Variants in DEFB112 observed in about 807,000 individuals in gnomAD.
The protein encoded by DEFB112 is defensin beta 112.
DEFB112 carries 2 observed loss-of-function variants against 1.1 expected under a neutral mutation model. The ratio of observed to expected loss-of-function variants is 1.85; its 90% CI spans 0.76 to 5.83. The LOEUF (loss-of-function observed/expected upper bound fraction) is 5.83, where lower values mean the gene tolerates loss of function less well. DEFB112 is among the 30% of genes most tolerant of loss of function. The pLI, the probability that DEFB112 is intolerant of heterozygous loss-of-function variation, is 0.05. For missense variants in DEFB112, 120 were observed against 94.4 expected (o/e 1.27, Z -1.12); for synonymous variants, 40 against 31.2 (o/e 1.28, Z -0.93).
chr6:50,043,738 C>T lies in DEFB112; in HGVS notation c.122G>A (p.Arg41Gln), dbSNP rs760015661. The change falls in exon 2 of 2, where the codon CGA becomes CAA. Residue 41 changes from arginine to glutamine, a missense_variant. Physicochemically the swap from Arg to Gln is conservative, Grantham distance 43. Coordinates refer to ENST00000651554, the MANE Select transcript of DEFB112 (RefSeq NM_001369057.2). ...RWKSCTAIGG[R>Q]CKNQCDDSEF... The stretch of plus-strand genomic sequence containing the variant: ...ACTATCATCACATTGATTTTTACAT[C>T]GACCTCCAATCGCTGTACATGACTT... The T allele has an allele frequency of 6.2e-6, 10 of 1,613,302 alleles. No individual in the cohort carries two copies. The highest frequency in any genetic ancestry group is 5.3e-5 in the African/African-American group (4 of 74,874).
intron 1 of DEFB112, among the ~76,000 whole-genome samples, 21 bp downstream of exon 1, chr6:50,049,791 T>G (rs1774895993): frequency 6.6e-6 from 1 of 151,998 alleles, no homozygotes. Context: ...TTGACCCCTC[T>G]AGCAATAATA....
At position 50,042,189 on chromosome 6, in the gene DEFB112, TG is replaced by T. The variant is rs1181307255; in HGVS notation, c.*1385del. 1.3e-5 allele frequency among the ~76,000 whole-genome samples: 2 copies of T among 151,938 alleles called. No individual in the cohort carries two copies. The highest frequency in any genetic ancestry group is 2.9e-5 in the Non-Finnish European group (2 of 67,926). On this transcript the variant is annotated 3_prime_UTR_variant, in exon 2 of 2. Transcript: ENST00000651554. ...TAGGTATACTGTGAGACCCCTGAAG[TG>T]GGGTTCAGAGTTTGGATCATAAACC...
chr6:50,046,920 G>A (rs1005595640), intron 1 of DEFB112, among the ~76,000 whole-genome samples: 1 of 152,172 alleles, frequency 6.6e-6, no homozygotes, highest in African/African-American at 2.4e-5. Context: ...CAGGTACTGA[G>A]TGAACCTGGA....
rs1359265241 is a variant in DEFB112 at position 50,042,564 on chromosome 6, G to A, written c.*1011C>T. 6.6e-6 allele frequency among the ~76,000 whole-genome samples: 1 copy of A among 151,950 alleles called. No homozygotes were observed. The highest frequency in any genetic ancestry group is 2.4e-5 in the African/African-American group (1 of 41,398). ...CTGCCAGCCAAGGACAAAGCCTAGA[G>A]GACATTCTTTAAGTAATACTTAGCA... On this transcript the variant is annotated 3_prime_UTR_variant, in exon 2 of 2. Coordinates refer to ENST00000651554, the MANE Select transcript of DEFB112 (RefSeq NM_001369057.2).
chr6:50,045,892 C>T (rs1328229275), intron 1 of DEFB112, among the ~76,000 whole-genome samples: 1 of 152,086 alleles, frequency 6.6e-6, no homozygotes, highest in East Asian at 1.9e-4. Context: ...TAATTTGACT[C>T]AATTTTTCAT....
intron 1 of DEFB112, among the ~76,000 whole-genome samples, chr6:50,044,468 T>A (rs1472781426): frequency 6.6e-6 from 1 of 152,072 alleles, no homozygotes; most frequent in East Asian, 1.9e-4. Flanking sequence ...TATAGAAAAT[T>A]TTTAAAAATG....
At chr6:50,046,655 C>G (rs1774841355) in intron 1 of DEFB112, among the ~76,000 whole-genome samples, 2 of 151,490 alleles carry the variant, frequency 1.3e-5, no homozygotes, top group African/African-American at 2.4e-5. Flanking sequence ...TGCTGAATTA[C>G]CTAGCATTTT....
chr6:50,049,571 A>T (rs1230625415), intron 1 of DEFB112, among the ~76,000 whole-genome samples: 1 of 152,096 alleles, frequency 6.6e-6, no homozygotes, highest in Non-Finnish European at 1.5e-5. Context: ...CTAATCATTT[A>T]CATATATGCA....
rs571695942 is a variant in DEFB112, at chr6:50,045,657, C to T, written c.59-1856G>A. 2.6e-5 allele frequency among the ~76,000 whole-genome samples: 4 copies of T among 152,130 alleles called. No homozygotes were observed. In the South Asian group the frequency reaches 6.2e-4, roughly 24 times the overall value. ...GCCATTAGGTGATTCTGTCCTTGTGCGAACACCATAAACTGTACTTACACA... is the reference window on the plus strand; with the variant it reads ...GCCATTAGGTGATTCTGTCCTTGTGTGAACACCATAAACTGTACTTACACA... On this transcript the variant is annotated intron_variant, in intron 1 of 1. Coordinates refer to ENST00000651554, the MANE Select transcript of DEFB112 (RefSeq NM_001369057.2).
At chr6:50,043,868 C>T in intron 1 of DEFB112, 67 bp from the exon 2 acceptor site, 3 of 1,333,424 alleles carry the variant, frequency 2.2e-6, no homozygotes, top group South Asian at 2.4e-5. Flanking sequence ...TAAAAGAAGA[C>T]ATGGGAGTAA....
intron 1 of DEFB112, chr6:50,048,729 G>T (rs2113960196): frequency 9.9e-7 from 1 of 1,014,786 alleles, no homozygotes; most frequent in Non-Finnish European, 1.5e-6. Flanking sequence ...AATATTTTCA[G>T]AAATAAGGAC....
Position 50,043,471 on chromosome 6 carries a change from T to C in DEFB112, c.*104A>G. On this transcript the variant is annotated 3_prime_UTR_variant, in exon 2 of 2. Coordinates refer to ENST00000651554, the MANE Select transcript of DEFB112 (RefSeq NM_001369057.2). Reference sequence around the variant, plus strand: ...GAAATATATTTTATTTAATTATTTATTCATTATAGGTATGCATGCATGGAA... The same window carrying C: ...GAAATATATTTTATTTAATTATTTACTCATTATAGGTATGCATGCATGGAA... The C allele has an allele frequency of 1.4e-6, 1 of 692,544 alleles. No individual in the cohort carries two copies. Among genetic ancestry groups the C allele is most frequent in the Non-Finnish European group, 2.4e-6 (1 of 416,740 alleles). The allele number at this position is 692,544 out of a possible 1,614,324, so 42.9% of individuals were successfully genotyped here.
At position 50,042,501 on chromosome 6, in the gene DEFB112, C is replaced by T. The variant is rs971134052; in HGVS notation, c.*1074G>A. ...GACTAGCTCCCTTTTCTTCATGTGG[C>T]CTTAGTCCACAGGTTGTAAGTCACA... On this transcript the variant is annotated 3_prime_UTR_variant, in exon 2 of 2. Coordinates refer to ENST00000651554, the MANE Select transcript of DEFB112 (RefSeq NM_001369057.2). Among the ~76,000 whole-genome samples the T allele has an allele frequency of 2.6e-5, 4 of 151,996 alleles. No individual in the cohort carries two copies. The highest frequency in any genetic ancestry group is 4.1e-4 in the South Asian group (2 of 4,834).
At chr6:50,044,547 T>G (rs777615993) in intron 1 of DEFB112, among the ~76,000 whole-genome samples, 1 of 152,132 alleles carries the variant, frequency 6.6e-6, no homozygotes, top group Non-Finnish European at 1.5e-5. Context: ...GAATGATGTA[T>G]GTACCTAGAT....
Position 50,049,875 on chromosome 6 carries a change from A to G in DEFB112, c.-6T>C. 6.6e-6 allele frequency among the ~76,000 whole-genome samples: 1 copy of G among 152,126 alleles called. No individual in the cohort carries two copies. The highest frequency in any genetic ancestry group is 1.9e-4 in the East Asian group (1 of 5,202). Reference sequence around the variant, plus strand: ...AAAAAGAGAAGGATCTTCATTGTAAATGATTTCTTGGTATAAAACAGTGTA... The same window carrying G: ...AAAAAGAGAAGGATCTTCATTGTAAGTGATTTCTTGGTATAAAACAGTGTA... On this transcript the variant is annotated 5_prime_UTR_variant, in exon 1 of 2. Coordinates refer to ENST00000651554, the MANE Select transcript of DEFB112 (RefSeq NM_001369057.2).
Position 50,043,701 on chromosome 6 carries a change from A to G in DEFB112, c.159T>C (p.Ile53=), listed in dbSNP as rs533783610. The change falls in exon 2 of 2, where the codon ATT becomes ATC. Residue 53 remains isoleucine, a synonymous_variant. Transcript: ENST00000651554. ...GAGTTGTAGGTCTTGCACAGTATGA[A>G]ATCCTAAATTCACTATCATCACATT... The part of the protein sequence containing the change: ...KNQCDDSEFR[I]SYCARPTTHC... 2 of 1,613,530 alleles carry G rather than the reference A, an allele frequency of 1.2e-6. No individual in the cohort carries two copies. The highest frequency in any genetic ancestry group is 3.3e-5 in the Admixed American group (2 of 59,982).
chr6:50,048,072 G>A (rs767914512), intron 1 of DEFB112, among the ~76,000 whole-genome samples: 11 of 151,784 alleles, frequency 7.2e-5, no homozygotes, highest in East Asian at 1.9e-4. Context: ...GCTTGAACCC[G>A]GGAGACGGTG....
intron 1 of DEFB112, among the ~76,000 whole-genome samples, chr6:50,049,375 T>C (rs1035561506): frequency 2.0e-5 from 3 of 152,098 alleles, no homozygotes; most frequent in Non-Finnish European, 4.4e-5. Context: ...CTGAAACTTT[T>C]AGCAAGACAT....
At chr6:50,045,964 A>G (rs1015582224) in intron 1 of DEFB112, among the ~76,000 whole-genome samples, 6 of 152,162 alleles carry the variant, frequency 3.9e-5, no homozygotes, top group Admixed American at 2.0e-4. Context: ...TAGTCATACA[A>G]CAATTCTGTT....
Sources: gnomAD v4.1 joint callset for allele counts (sites outside exome capture counted in the v4.1 genomes callset) on GRCh38, gnomAD v4.1.1 for gene constraint, MANE v1.5 for transcripts, NCBI Gene and HGNC (gene_info 2026-07-23, HGNC 2026-07-21) for gene names.